The following XNDC1N variants were observed in gnomAD, a reference collection of about 807,000 sequenced individuals.
The protein encoded by XNDC1N is protein XNDC1N.
chr11:71,926,903 AAAATG>A, the XNDC1N span, among the ~76,000 whole-genome samples: 1 of 143,380 alleles, frequency 7.0e-6, no homozygotes, highest in Admixed American at 6.9e-5. Flanking sequence ...TCTGTCTCAA[AAAATG>A]AAATAAAATA....
the XNDC1N span, among the ~76,000 whole-genome samples, chr11:71,919,605 G>GTTT: frequency 9.2e-4 from 10 of 10,904 alleles, no homozygotes; most frequent in South Asian, 7.6e-3. Flanking sequence ...GGCCAGGTTG[G>GTTT]TTTTTTTTTT....
At chr11:71,897,038 T>G in the XNDC1N span, among the ~76,000 whole-genome samples, 2 of 152,164 alleles carry the variant, frequency 1.3e-5, no homozygotes, top group Non-Finnish European at 1.5e-5. Flanking sequence ...TACAGAAGAA[T>G]GAAGGTGGAC....
the XNDC1N span, among the ~76,000 whole-genome samples, chr11:71,905,108 A>G: frequency 2.4e-4 from 37 of 152,076 alleles, no homozygotes; most frequent in African/African-American, 8.9e-4. Flanking sequence ...TTTTCCTAGG[A>G]TATTATGGAT....
chr11:71,896,175 G>A, the XNDC1N span, among the ~76,000 whole-genome samples: 1 of 152,186 alleles, frequency 6.6e-6, no homozygotes, highest in African/African-American at 2.4e-5. Context: ...GCTACTCGGA[G>A]GGCTGAGGCC....
the XNDC1N span, chr11:71,865,970 A>C: frequency 3.3e-6 from 1 of 305,074 alleles, no homozygotes; most frequent in African/African-American, 2.3e-5. Context: ...AGAAATTATC[A>C]GTTAAAGTTG....
At chr11:71,884,571 C>T in the XNDC1N span, 1 of 1,593,740 alleles carries the variant, frequency 6.3e-7, no homozygotes, top group African/African-American at 1.3e-5. Context: ...AAAATTCTAA[C>T]TCCATCTTCT....
At chr11:71,886,602 C>T in the XNDC1N span, among the ~76,000 whole-genome samples, 4 of 152,160 alleles carry the variant, frequency 2.6e-5, no homozygotes, top group Non-Finnish European at 5.9e-5. Flanking sequence ...GGAGGCCTAT[C>T]GTATGTATAC....
chr11:71,882,190 G>A, the XNDC1N span, among the ~76,000 whole-genome samples: 1 of 149,858 alleles, frequency 6.7e-6, no homozygotes, highest in African/African-American at 2.5e-5. Context: ...CAAAAAGAGA[G>A]GAAAGTGAAA....
chr11:71,920,320 T>C, the XNDC1N span, among the ~76,000 whole-genome samples: 1 of 149,952 alleles, frequency 6.7e-6, no homozygotes, highest in African/African-American at 2.5e-5. Flanking sequence ...TTTCTTATTT[T>C]TTTTTGAGAT....
At chr11:71,875,142 A>G in the XNDC1N span, among the ~76,000 whole-genome samples, 23 of 152,278 alleles carry the variant, frequency 1.5e-4, no homozygotes, top group East Asian at 1.3e-3. Flanking sequence ...TAAATATATT[A>G]TGAAATATCC....
the XNDC1N span, chr11:71,927,686 G>A: frequency 2.0e-5 from 3 of 152,220 alleles, no homozygotes; most frequent in Non-Finnish European, 2.9e-5. Context: ...AGGCTTGAGA[G>A]TAGAAAAAAC....
At chr11:71,921,648 C>A in the XNDC1N span, among the ~76,000 whole-genome samples, 1 of 152,078 alleles carries the variant, frequency 6.6e-6, no homozygotes, top group Non-Finnish European at 1.5e-5. Flanking sequence ...AGCAATAAAA[C>A]CCTTTTAACT....
At chr11:71,911,827 A>G in the XNDC1N span, among the ~76,000 whole-genome samples, 1 of 152,118 alleles carries the variant, frequency 6.6e-6, no homozygotes, top group Admixed American at 6.6e-5. Flanking sequence ...GGGTTTGGGG[A>G]ATTCCCGCGC....
the XNDC1N span, among the ~76,000 whole-genome samples, chr11:71,926,809 G>T: frequency 9.2e-5 from 14 of 151,994 alleles, no homozygotes; most frequent in Admixed American, 7.2e-4. Flanking sequence ...GCTGAGGCAG[G>T]AGAATCACTT....
chr11:71,923,201 T>C, the XNDC1N span: 1 of 686,862 alleles, frequency 1.5e-6, no homozygotes, highest in Non-Finnish European at 2.6e-6. Flanking sequence ...GAACTCACAA[T>C]GTCTCTTCTA....
At chr11:71,874,422 A>AGTTTTTGTTC in the XNDC1N span, among the ~76,000 whole-genome samples, 1 of 152,242 alleles carries the variant, frequency 6.6e-6, no homozygotes, top group Non-Finnish European at 1.5e-5. Context: ...GTATGCTCAG[A>AGTTTTTGTTC]GTTTTTGTTC....
chr11:71,901,587 A>G, the XNDC1N span, among the ~76,000 whole-genome samples: 1 of 152,072 alleles, frequency 6.6e-6, no homozygotes, highest in Non-Finnish European at 1.5e-5. Context: ...CAACAGAACG[A>G]GACTCCATCT....
the XNDC1N span, among the ~76,000 whole-genome samples, chr11:71,889,979 TG>T: frequency 6.6e-6 from 1 of 152,162 alleles, no homozygotes; most frequent in Non-Finnish European, 1.5e-5. Flanking sequence ...CCTGCGTTTT[TG>T]GTTGCCTTGG....
At chr11:71,867,564 A>G in the XNDC1N span, among the ~76,000 whole-genome samples, 1 of 152,196 alleles carries the variant, frequency 6.6e-6, no homozygotes, top group Non-Finnish European at 1.5e-5. Flanking sequence ...GTCATTCAGG[A>G]GCAGGTTGTT....
Sources: gnomAD v4.1 joint callset for allele counts (sites outside exome capture counted in the v4.1 genomes callset) on GRCh38, gnomAD v4.1.1 for gene constraint, MANE v1.5 for transcripts, NCBI Gene and HGNC (gene_info 2026-07-23, HGNC 2026-07-21) for gene names.